ATP2B2: variants seen among roughly 807,000 people sequenced by gnomAD.
ATP2B2 encodes plasma membrane calcium-transporting ATPase 2.
Under a neutral mutation model 120.0 loss-of-function variants are expected in ATP2B2, and 15 were observed. The ratio of observed to expected loss-of-function variants is 0.12; its 90% CI spans 0.08 to 0.19. ATP2B2 has a LOEUF of 0.19. Ranked by LOEUF, ATP2B2 falls within the 10% of genes least tolerant of loss-of-function variation. ATP2B2 has a pLI of 1.00. For synonymous variants in ATP2B2, 694 were observed against 700.3 expected (o/e 0.99, Z 0.14); for missense variants, 1,045 against 1,719.8 (o/e 0.61, Z 6.94).
chr3:10,672,045 A>G (rs953887057), intron 1 of ATP2B2, among the ~76,000 whole-genome samples: 1 of 152,232 alleles, frequency 6.6e-6, no homozygotes, highest in African/African-American at 2.4e-5. Context: ...CCTCGGGGCA[A>G]AAGCAATATG....
intron 2 of ATP2B2, among the ~76,000 whole-genome samples, chr3:10,610,811 C>T (rs2069213906): frequency 6.6e-6 from 1 of 152,184 alleles, no homozygotes. Flanking sequence ...TTAGGCTGGT[C>T]TCTCTGGGTC....
At position 10,362,624 on chromosome 3, in the gene ATP2B2, C is replaced by T. The variant is rs150779399; in HGVS notation, c.1660-2501G>A. 2.0e-3 allele frequency among the ~76,000 whole-genome samples: 303 copies of T among 152,214 alleles called. 1 individual carries two copies. The highest frequency in any genetic ancestry group is 6.7e-3 in the African/African-American group (279 of 41,524). Reference sequence around the variant, plus strand: ...ACTGCAGGTCCCTTGGTGGATGGTACGGGGGCCGTGGATAGGGAGCAAGGC... The same window carrying T: ...ACTGCAGGTCCCTTGGTGGATGGTATGGGGGCCGTGGATAGGGAGCAAGGC... On this transcript the variant is annotated intron_variant, in intron 12 of 22. Coordinates refer to ENST00000360273, the MANE Select transcript of ATP2B2 (RefSeq NM_001001331.4).
intron 2 of ATP2B2, among the ~76,000 whole-genome samples, chr3:10,555,434 A>T (rs1023342069): frequency 6.6e-6 from 1 of 152,254 alleles, no homozygotes; most frequent in Non-Finnish European, 1.5e-5. Flanking sequence ...CAAGGTCCAG[A>T]GCAAATGCTG....
chr3:10,661,797 T>G (rs1037707458), intron 1 of ATP2B2, among the ~76,000 whole-genome samples: 5 of 152,296 alleles, frequency 3.3e-5, no homozygotes, highest in East Asian at 3.9e-4. Context: ...GCCAAGTCAA[T>G]CCTAAGCCAA....
intron 2 of ATP2B2, among the ~76,000 whole-genome samples, chr3:10,541,256 T>A (rs2067433401): frequency 6.6e-6 from 1 of 152,192 alleles, no homozygotes; most frequent in South Asian, 2.1e-4. Context: ...TTTTTTGGTT[T>A]TCAACTTTAT....
intron 6 of ATP2B2, among the ~76,000 whole-genome samples, chr3:10,387,196 C>A (rs906743173): frequency 1.3e-5 from 2 of 152,262 alleles, no homozygotes; most frequent in Non-Finnish European, 2.9e-5. Flanking sequence ...TCAGCCTCAG[C>A]ACCCCTTTAC....
chr3:10,362,782 T>A (rs972854855), intron 12 of ATP2B2, among the ~76,000 whole-genome samples: 1 of 152,248 alleles, frequency 6.6e-6, no homozygotes, highest in African/African-American at 2.4e-5. Flanking sequence ...TTCCCATGTC[T>A]GAAGTTTGGG....
chr3:10,488,343 A>G (rs1559402527), intron 1 of ATP2B2, among the ~76,000 whole-genome samples: 1 of 146,846 alleles, frequency 6.8e-6, no homozygotes, highest in African/African-American at 2.5e-5. Flanking sequence ...CCATCCATCC[A>G]TCCATTCACT....
chr3:10,554,731 G>T (rs941198266), intron 2 of ATP2B2, among the ~76,000 whole-genome samples: 2 of 152,196 alleles, frequency 1.3e-5, no homozygotes, highest in Non-Finnish European at 2.9e-5. Flanking sequence ...ACCACACTTA[G>T]AAATCTGCAA....
intron 1 of ATP2B2, among the ~76,000 whole-genome samples, chr3:10,622,211 G>T (rs1453898183): frequency 3.9e-5 from 6 of 152,162 alleles, no homozygotes; most frequent in African/African-American, 1.2e-4. Flanking sequence ...GCTGTGGGCG[G>T]CCAGGCCTGT....
At chr3:10,466,621 G>C (rs575257693) in intron 1 of ATP2B2, among the ~76,000 whole-genome samples, 43 of 152,284 alleles carry the variant, frequency 2.8e-4, no homozygotes, top group African/African-American at 1.0e-3. Flanking sequence ...CTTCATCACT[G>C]CCTCTGGAGC....
intron 2 of ATP2B2, among the ~76,000 whole-genome samples, chr3:10,436,765 G>A (rs2063492607): frequency 6.6e-6 from 1 of 152,176 alleles, no homozygotes; most frequent in Admixed American, 6.5e-5. Context: ...GTGCCTTAGT[G>A]GAGCGACATC....
At chr3:10,699,933 A>G (rs1388845046) in intron 1 of ATP2B2, among the ~76,000 whole-genome samples, 1 of 152,154 alleles carries the variant, frequency 6.6e-6, no homozygotes. Context: ...CAGAACTGTG[A>G]ACGCATACAT....
chr3:10,586,160 T>G (rs1305208906), intron 2 of ATP2B2, among the ~76,000 whole-genome samples: 1 of 152,204 alleles, frequency 6.6e-6, no homozygotes, highest in East Asian at 1.9e-4. Flanking sequence ...TGTCATCATT[T>G]TTACCCAGTT....
intron 5 of ATP2B2, among the ~76,000 whole-genome samples, chr3:10,389,826 C>A (rs972804962): frequency 6.6e-6 from 1 of 152,136 alleles, no homozygotes; most frequent in Non-Finnish European, 1.5e-5. Flanking sequence ...GAAGCCATGG[C>A]CTCACTGGGG....
chr3:10,705,147 T>C (rs1357923353), intron 1 of ATP2B2, among the ~76,000 whole-genome samples: 2 of 152,228 alleles, frequency 1.3e-5, no homozygotes, highest in Non-Finnish European at 2.9e-5. Context: ...AGAGAAATCC[T>C]GCACAACAAA....
intron 14 of ATP2B2, among the ~76,000 whole-genome samples, chr3:10,352,748 T>G (rs1243209802): frequency 6.6e-6 from 1 of 152,234 alleles, no homozygotes; most frequent in Non-Finnish European, 1.5e-5. Context: ...CTTGTTTATA[T>G]AACTTACTAA....
chr3:10,453,622 A>G (rs2064144304), intron 1 of ATP2B2, among the ~76,000 whole-genome samples: 1 of 152,194 alleles, frequency 6.6e-6, no homozygotes, highest in African/African-American at 2.4e-5. Context: ...TGCAATCCAC[A>G]AGGGACTTTC....
At chr3:10,496,354 C>T (rs991644808) in intron 1 of ATP2B2, among the ~76,000 whole-genome samples, 1 of 152,176 alleles carries the variant, frequency 6.6e-6, no homozygotes, top group African/African-American at 2.4e-5. Flanking sequence ...TGCAGGCTTG[C>T]CCTGGGAAGA....
Sources: allele counts gnomAD v4.1 joint callset (sites outside exome capture counted in the v4.1 genomes callset), GRCh38; gene constraint gnomAD v4.1.1; transcripts MANE v1.5; gene names NCBI Gene and HGNC (gene_info 2026-07-23, HGNC 2026-07-21).